The following IMMT variants were observed in gnomAD, a reference collection of about 807,000 sequenced individuals.
The protein encoded by IMMT is MICOS complex subunit MIC60.
In IMMT, 40 loss-of-function variants were observed where a neutral mutation model predicts 92.7. The observed-to-expected ratio is 0.43, with a 90% confidence interval of 0.34 to 0.56. IMMT has a LOEUF of 0.56. Ranked by LOEUF, IMMT falls within the 20% of genes least tolerant of loss-of-function variation. The probability of loss-of-function intolerance (pLI) is 0.03; values close to 1 mark genes in which losing one functional copy is unlikely to be tolerated. For missense variants in IMMT, 831 were observed against 912.1 expected (o/e 0.91, Z 1.14); for synonymous variants, 322 against 336.1 (o/e 0.96, Z 0.46).
chr2:86,165,583 A>C (rs982167177), intron 7 of IMMT, among the ~76,000 whole-genome samples: 3 of 152,314 alleles, frequency 2.0e-5, no homozygotes, highest in African/African-American at 7.2e-5. Context: ...CCTGATCCTT[A>C]AGATTAATAA....
chr2:86,154,976 C>T (rs1241294401), intron 10 of IMMT, among the ~76,000 whole-genome samples: 1 of 152,158 alleles, frequency 6.6e-6, no homozygotes, highest in African/African-American at 2.4e-5. Flanking sequence ...GATTCTCTTG[C>T]CTCAGCCTCC....
Position 86,144,656 on chromosome 2 carries a change from G to T in IMMT, c.1889C>A (p.Thr630Asn), listed in dbSNP as rs1573866921. The change falls in exon 15 of 15, where the codon ACC (threonine) becomes AAC (asparagine). Residue 630 changes from threonine (T) to asparagine (N), a missense_variant. Thr to Asn is a moderately conservative substitution (Grantham distance 65). Coordinates refer to ENST00000410111, the MANE Select transcript of IMMT (RefSeq NM_006839.3). ...AACAGCATAGAAACGGGCTCTAAGG[G>T]TCTCTTCACTGTACACCCCACGGGT... Reference protein sequence around the residue: ...SLTRGVYSEETLRARFYAVQK... With the variant: ...SLTRGVYSEENLRARFYAVQK... 2.5e-6 allele frequency: 4 copies of T among 1,613,964 alleles called. No individual in the cohort carries two copies. The highest frequency in any genetic ancestry group is 1.3e-5 in the African/African-American group (1 of 75,030).
chr2:86,193,536 G>A (rs555581257), intron 1 of IMMT, among the ~76,000 whole-genome samples: 1 of 152,262 alleles, frequency 6.6e-6, no homozygotes, highest in Non-Finnish European at 1.5e-5. Context: ...TTAAAGTTCT[G>A]AGAGTTGATG....
rs761684106 is a variant in IMMT at position 86,147,758 on chromosome 2, G to C, written c.1477C>G (p.His493Asp). Residue 493 changes from histidine (H) to aspartate (D), a missense_variant, in exon 13 of 15, where the codon CAC (histidine) becomes GAC (aspartate). Transcript: ENST00000410111. Reference protein sequence around the residue: ...LRRQAAAHTDHLRDVLRVQEQ... With the variant: ...LRRQAAAHTDDLRDVLRVQEQ... ...TGTACCCTAAGGACATCTCGCAAGT[G>C]ATCAGTGTGGGCAGCTGCCTGTCGG... is the stretch of plus-strand genomic sequence containing the variant. 6 of 1,613,794 alleles carry C rather than the reference G, an allele frequency of 3.7e-6. No homozygotes were observed. In the East Asian group the frequency reaches 1.1e-4, roughly 30 times the overall value.
At chr2:86,180,080 A>AAAAT (rs58209730) in intron 2 of IMMT, among the ~76,000 whole-genome samples, 8,245 of 151,794 alleles carry the variant, frequency 0.054, 772 homozygotes, top group African/African-American at 0.19. Flanking sequence ...CTTGTCTCAA[A>AAAAT]AAATAAATAA....
chr2:86,191,574 T>C (rs1440999345), intron 1 of IMMT, among the ~76,000 whole-genome samples: 1 of 151,944 alleles, frequency 6.6e-6, no homozygotes, highest in African/African-American at 2.4e-5. Flanking sequence ...ATTCTGGACT[T>C]GCCAGTCTCC....
intron 1 of IMMT, among the ~76,000 whole-genome samples, chr2:86,188,549 C>T (rs532359096): frequency 1.3e-5 from 2 of 152,168 alleles, no homozygotes; most frequent in Non-Finnish European, 2.9e-5. Flanking sequence ...TCTCAGCCTA[C>T]CGAGTAGCTA....
intron 7 of IMMT, among the ~76,000 whole-genome samples, chr2:86,164,182 C>T (rs1209634135): frequency 2.0e-5 from 3 of 148,072 alleles, no homozygotes; most frequent in Admixed American, 6.9e-5. Flanking sequence ...GTCAGTCTCC[C>T]GAGTAGCTGG....
chr2:86,159,480 T>C, intron 9 of IMMT, 56 bp downstream of exon 9: 7 of 1,314,752 alleles, frequency 5.3e-6, no homozygotes, highest in Non-Finnish European at 7.5e-6. Context: ...ATCCTTAAAA[T>C]CCTTTAAGAG....
Position 86,144,070 on chromosome 2 carries a change from CAAAG to C in IMMT, c.*194_*197del. 1 of 635,866 alleles carries C rather than the reference CAAAG, an allele frequency of 1.6e-6. No homozygotes were observed. The highest frequency in any genetic ancestry group is 2.7e-6 in the Non-Finnish European group (1 of 372,866). The allele number at this position is 635,866 out of a possible 1,614,324, so 39.4% of individuals were successfully genotyped here. A position where few individuals can be genotyped will look rare whatever the true frequency, so the allele number is the denominator to read the frequency against. On this transcript the variant is annotated 3_prime_UTR_variant, in exon 15 of 15. Transcript: ENST00000410111. Reference sequence around the variant, plus strand: ...AAAACAGAAAATGTTACACAAGTTGCAAAGAAAGCACTCCTGGCGTTCACTGACA... The same window carrying C: ...AAAACAGAAAATGTTACACAAGTTGCAAAGCACTCCTGGCGTTCACTGACA...
intron 1 of IMMT, among the ~76,000 whole-genome samples, chr2:86,193,575 G>C (rs967062920): frequency 2.0e-5 from 3 of 152,034 alleles, no homozygotes; most frequent in Non-Finnish European, 4.4e-5. Context: ...TCTATAAAGA[G>C]ACAGGAAGAG....
intron 11 of IMMT, among the ~76,000 whole-genome samples, chr2:86,152,103 T>A (rs9973880): frequency 0.078 from 11,875 of 152,198 alleles, 777 homozygotes; most frequent in East Asian, 0.23. Context: ...TGTTTTTTTT[T>A]AAAATCTCAA....
At chr2:86,157,853 T>C (rs1388937091) in intron 10 of IMMT, among the ~76,000 whole-genome samples, 1 of 149,986 alleles carries the variant, frequency 6.7e-6, no homozygotes, top group Non-Finnish European at 1.5e-5. Context: ...TGTCGCATGC[T>C]TGTAATCCCA....
intron 8 of IMMT, among the ~76,000 whole-genome samples, chr2:86,161,478 T>C (rs899666834): frequency 2.0e-5 from 3 of 150,058 alleles, no homozygotes; most frequent in East Asian, 2.0e-4. Context: ...TTATATTTTA[T>C]TCCTTCTCTC....
intron 9 of IMMT, 127 bp downstream of exon 9, chr2:86,159,409 C>T: frequency 1.2e-6 from 1 of 860,784 alleles, no homozygotes; most frequent in East Asian, 2.7e-5. Context: ...AAAACAGTAA[C>T]AACGAATACA....
chr2:86,193,352 A>C (rs1284841246), intron 1 of IMMT, among the ~76,000 whole-genome samples: 1 of 150,584 alleles, frequency 6.6e-6, no homozygotes, highest in Non-Finnish European at 1.5e-5. Context: ...GGCTGCAGTG[A>C]GCCATGACTG....
intron 10 of IMMT, among the ~76,000 whole-genome samples, chr2:86,157,079 T>A (rs982112788): frequency 6.6e-6 from 1 of 152,220 alleles, no homozygotes; most frequent in Non-Finnish European, 1.5e-5. Context: ...CTCAAGTTTA[T>A]CCTTCTCAAG....
rs369196235 is a variant in IMMT at position 86,179,504 on chromosome 2, G to A, written c.238C>T (p.Pro80Ser). The A allele has an allele frequency of 8.1e-6, 13 of 1,613,276 alleles. No individual in the cohort carries two copies. Among genetic ancestry groups the A allele is most frequent in the African/African-American group, 1.3e-5 (1 of 74,866 alleles). The change falls in exon 3 of 15, where the codon CCT becomes TCT. Residue 80 changes from proline to serine, a missense_variant. By Grantham distance (74) the Pro-to-Ser change is moderately conservative (BLOSUM62 -1). Coordinates refer to ENST00000410111, the MANE Select transcript of IMMT (RefSeq NM_006839.3). ...HFRESVEKTI[P>S]YSDKLFEMVL... ...ATCTCGAAGAGTTTGTCTGAGTAAG[G>A]TATGGTTTTCTCTACACTTTCCCGG...
At chr2:86,156,593 C>CAAAAAAAAAA (rs57252871) in intron 10 of IMMT, among the ~76,000 whole-genome samples, 6 of 44,668 alleles carry the variant, frequency 1.3e-4, no homozygotes, top group African/African-American at 5.0e-4. Context: ...GACTCCATCT[C>CAAAAAAAAAA]AAAAAAAAAA....
Sources: allele counts gnomAD v4.1 joint callset (sites outside exome capture counted in the v4.1 genomes callset), GRCh38; gene constraint gnomAD v4.1.1; transcripts MANE v1.5; gene names NCBI Gene and HGNC (gene_info 2026-07-23, HGNC 2026-07-21).